PLA2R1: variants seen among roughly 807,000 people sequenced by gnomAD.
PLA2R1 encodes the protein secretory phospholipase A2 receptor.
A neutral mutation model predicts 195.9 loss-of-function variants in PLA2R1; 158 were observed. The observed-to-expected ratio is 0.81, with a 90% confidence interval of 0.71 to 0.92. The LOEUF is 0.92. Among genes scored for constraint, PLA2R1 ranks in the 40% least tolerant of loss-of-function variants. The probability of loss-of-function intolerance (pLI) is 0.00; values close to 1 mark genes in which losing one functional copy is unlikely to be tolerated. For missense variants in PLA2R1, 1,626 were observed against 1,764.6 expected (o/e 0.92, Z 1.41); for synonymous variants, 586 against 598.2 (o/e 0.98, Z 0.30).
chr2:160,022,950 C>G, intron 6 of PLA2R1, 91 bp from the exon 7 acceptor site: 2 of 881,690 alleles, frequency 2.3e-6, no homozygotes, highest in Non-Finnish European at 3.5e-6. Context: ...AATATGATTA[C>G]TTTAAAAATG....
At position 159,938,635 on chromosome 2, in the gene PLA2R1, C is replaced by T. The variant is rs191527865; in HGVS notation, c.*3143G>A. On this transcript the variant is annotated 3_prime_UTR_variant, in exon 30 of 30. Coordinates refer to ENST00000283243, the MANE Select transcript of PLA2R1 (RefSeq NM_007366.5). ...CAGATTAAAGCAACTGCAGACTTCA[C>T]AGCAGATGCCAGCAGAATTCCCAGG... The T allele has an allele frequency of 3.1e-3, 477 of 152,426 alleles. 13 individuals carry two copies. The highest frequency in any genetic ancestry group is 4.4e-4 in the Non-Finnish European group (30 of 68,148). 9.4% of individuals were successfully genotyped at this position (152,426 alleles called of 1,614,324 possible). A position where few individuals can be genotyped will look rare whatever the true frequency, so the allele number is the denominator to read the frequency against.
chr2:160,033,026 A>T lies in PLA2R1; in HGVS notation c.774T>A (p.Ser258=). 1 of 1,613,630 alleles carries T rather than the reference A, an allele frequency of 6.2e-7. No individual in the cohort carries two copies. The highest frequency in any genetic ancestry group is 1.1e-5 in the South Asian group (1 of 91,004). The part of the protein sequence containing the change: ...LSSLSWSEAH[S]SCQMQGGTLL... ...GCGTACCTCCTTGCATCTGGCATGA[A>T]GAATGTGCCTCACTCCAAGAGAGAG... The change falls in exon 4 of 30, where the codon TCT becomes TCA. Residue 258 remains serine, a synonymous_variant. Coordinates refer to ENST00000283243, the MANE Select transcript of PLA2R1 (RefSeq NM_007366.5).
chr2:159,942,042 A>C (rs770878775), intron 29 of PLA2R1, 50 bp from the exon 30 acceptor site: 2 of 1,554,928 alleles, frequency 1.3e-6, no homozygotes, highest in Admixed American at 1.7e-5. Context: ...GTGGCGATGA[A>C]GTAATATAGA....
At position 160,028,358 on chromosome 2, in the gene PLA2R1, A is replaced by C. The variant is rs1448253391; in HGVS notation, c.959T>G (p.Val320Gly). ...PLNYLNWSPE[V>G]NFEPFVEDHC... Reference sequence around the variant, plus strand: ...ATCTTCAACAAATGGCTCAAAATTTACCTCTGAAAATACAATGAGTGTCTT... The same window carrying C: ...ATCTTCAACAAATGGCTCAAAATTTCCCTCTGAAAATACAATGAGTGTCTT... The change falls in exon 6 of 30, where the codon GTA (valine) becomes GGA (glycine). Residue 320 changes from valine to glycine, a missense_variant. By Grantham distance (109) the Val-to-Gly change is moderately radical. Transcript: ENST00000283243. The C allele has an allele frequency of 1.2e-6, 2 of 1,603,184 alleles. No individual in the cohort carries two copies. Among genetic ancestry groups the C allele is most frequent in the African/African-American group, 2.7e-5 (2 of 74,630 alleles).
intron 10 of PLA2R1, among the ~76,000 whole-genome samples, chr2:160,009,955 A>T (rs1219039065): frequency 1.3e-5 from 2 of 151,688 alleles, no homozygotes; most frequent in East Asian, 1.9e-4. Flanking sequence ...AAAAAATTTT[A>T]AAAAATTAGC....
At chr2:159,959,884 C>T (rs1376281142) in intron 20 of PLA2R1, among the ~76,000 whole-genome samples, 1 of 152,170 alleles carries the variant, frequency 6.6e-6, no homozygotes, top group Non-Finnish European at 1.5e-5. Flanking sequence ...TATCTTAGCC[C>T]AACCTACCAG....
Position 159,977,436 on chromosome 2 carries a change from T to C in PLA2R1, c.2269-20A>G, listed in dbSNP as rs1689647327. ...GACAACCTGCAGCAGATGAAGTTCA[T>C]TATTCCTTAATGATGATCCCCCCAC... On this transcript the variant is annotated intron_variant, in intron 14 of 29. Coordinates refer to ENST00000283243, the MANE Select transcript of PLA2R1 (RefSeq NM_007366.5). 1 of 1,611,224 alleles carries C rather than the reference T, an allele frequency of 6.2e-7. No homozygotes were observed.
chr2:159,965,228 G>A (rs182503950), intron 20 of PLA2R1, among the ~76,000 whole-genome samples: 5 of 152,180 alleles, frequency 3.3e-5, no homozygotes, highest in Non-Finnish European at 5.9e-5. Flanking sequence ...TTGTACAAAT[G>A]TCTAGTGACA....
intron 20 of PLA2R1, among the ~76,000 whole-genome samples, chr2:159,957,079 G>T (rs1688140739): frequency 6.6e-6 from 1 of 152,074 alleles, no homozygotes; most frequent in Non-Finnish European, 1.5e-5. Context: ...ATAATGGGGA[G>T]TCAAACACAT....
intron 10 of PLA2R1, among the ~76,000 whole-genome samples, chr2:160,011,250 G>A (rs1439180402): frequency 6.6e-6 from 1 of 152,120 alleles, no homozygotes; most frequent in African/African-American, 2.4e-5. Flanking sequence ...CCTTAGCTTG[G>A]GTCACTGTGG....
intron 9 of PLA2R1, among the ~76,000 whole-genome samples, chr2:160,016,263 C>CAAAAAAAAAAAAAAAA (rs11396932): frequency 1.9e-5 from 2 of 103,140 alleles, no homozygotes; most frequent in Non-Finnish European, 3.7e-5. Flanking sequence ...GACTCTGTCT[C>CAAAAAAAAAAAAAAAA]AAAAAAAAAA....
At chr2:160,058,901 C>T (rs1406802811) in intron 1 of PLA2R1, among the ~76,000 whole-genome samples, 1 of 152,168 alleles carries the variant, frequency 6.6e-6, no homozygotes, top group African/African-American at 2.4e-5. Flanking sequence ...GTGCACTTTA[C>T]TTCTATTATT....
At chr2:159,957,870 A>C (rs1488506152) in intron 20 of PLA2R1, among the ~76,000 whole-genome samples, 3 of 152,188 alleles carry the variant, frequency 2.0e-5, no homozygotes, top group African/African-American at 7.2e-5. Flanking sequence ...CTTTATGCAA[A>C]GGATGTTTCA....
intron 8 of PLA2R1, 146 bp from the exon 9 acceptor site, chr2:160,016,858 G>A (rs1281339409): frequency 1.7e-5 from 10 of 601,932 alleles, no homozygotes; most frequent in Non-Finnish European, 3.0e-5. Flanking sequence ...TCACGGAAAG[G>A]GTTGACACTT....
At position 159,944,917 on chromosome 2, in the gene PLA2R1, T is replaced by C. The variant is rs374965853; in HGVS notation, c.4133A>G (p.Lys1378Arg). The C allele has an allele frequency of 3.7e-6, 6 of 1,612,420 alleles. No individual in the cohort carries two copies. In the African/African-American group the frequency reaches 4.0e-5, roughly 11 times the overall value. The change falls in exon 28 of 30, where the codon AAA (lysine) becomes AGA (arginine). Residue 1378 changes from lysine (K) to arginine (R), a missense_variant. Physicochemically the swap from Lys to Arg is conservative, Grantham distance 26 (BLOSUM62 2). Coordinates refer to ENST00000283243, the MANE Select transcript of PLA2R1 (RefSeq NM_007366.5). ...PCQEKKGFIC[K>R]MEADIHTAEA... The stretch of plus-strand genomic sequence containing the variant: ...CTGACTTTACCTACCTGCCTCCATT[T>C]TACATATAAAGCCTTTTTTTTCTTG...
chr2:159,965,908 C>T (rs1401029410), intron 20 of PLA2R1, among the ~76,000 whole-genome samples: 1 of 152,002 alleles, frequency 6.6e-6, no homozygotes. Context: ...TCCTTAAGTG[C>T]CAACGTGAAG....
chr2:160,029,215 G>A (rs925261818), intron 4 of PLA2R1, among the ~76,000 whole-genome samples: 2 of 152,194 alleles, frequency 1.3e-5, no homozygotes, highest in African/African-American at 4.8e-5. Flanking sequence ...TTTCAGGGTT[G>A]TCAATCTAGA....
intron 11 of PLA2R1, among the ~76,000 whole-genome samples, chr2:159,991,612 C>G (rs376601060): frequency 1.8e-5 from 2 of 110,712 alleles, no homozygotes; most frequent in East Asian, 3.2e-4. Flanking sequence ...ATCCCTCCCC[C>G]CTCCCCCCAC....
At chr2:159,994,533 G>C (rs1250792459) in intron 11 of PLA2R1, among the ~76,000 whole-genome samples, 1 of 152,042 alleles carries the variant, frequency 6.6e-6, no homozygotes, top group Non-Finnish European at 1.5e-5. Flanking sequence ...ATTACTTTAA[G>C]GGGTGATAAT....
Sources: gnomAD v4.1 joint callset for allele counts (sites outside exome capture counted in the v4.1 genomes callset) on GRCh38, gnomAD v4.1.1 for gene constraint, MANE v1.5 for transcripts, NCBI Gene and HGNC (gene_info 2026-07-23, HGNC 2026-07-21) for gene names.